Variants in UBAC2 observed in about 807,000 individuals in gnomAD.
UBAC2 encodes the protein ubiquitin-associated domain-containing protein 2.
Under a neutral mutation model 44.0 loss-of-function variants are expected in UBAC2, and 26 were observed. The ratio of observed to expected loss-of-function variants is 0.59; its 90% CI spans 0.43 to 0.82. UBAC2 has a LOEUF of 0.82. UBAC2 is among the 40% of genes least tolerant of loss of function. The pLI, the probability that UBAC2 is intolerant of heterozygous loss-of-function variation, is 0.00. For missense variants in UBAC2, 329 were observed against 419.4 expected (o/e 0.78, Z 1.88); for synonymous variants, 155 against 154.3 (o/e 1.00, Z -0.04).
intron 4 of UBAC2, chr13:99,294,588 A>G (rs1472973854): frequency 4.6e-5 from 7 of 153,144 alleles, no homozygotes; most frequent in Admixed American, 4.6e-4. Context: ...ACAAAGTTTT[A>G]TGACCCAGAA....
chr13:99,378,926 AG>A (rs1207328144), intron 8 of UBAC2, among the ~76,000 whole-genome samples: 1 of 152,216 alleles, frequency 6.6e-6, no homozygotes, highest in Non-Finnish European at 1.5e-5. Context: ...TTTGGGGAAA[AG>A]TACATGGCAT....
intron 6 of UBAC2, among the ~76,000 whole-genome samples, chr13:99,320,320 C>CT (rs1199485464): frequency 6.6e-6 from 1 of 151,980 alleles, no homozygotes; most frequent in Non-Finnish European, 1.5e-5. Context: ...CCTGTTTTAA[C>CT]TTTTTAAAAG....
At chr13:99,311,099 T>A (rs966246652) in intron 4 of UBAC2, among the ~76,000 whole-genome samples, 6 of 152,364 alleles carry the variant, frequency 3.9e-5, no homozygotes, top group African/African-American at 1.2e-4. Context: ...TCTGCAAATA[T>A]TTATTGAAAC....
intron 4 of UBAC2, among the ~76,000 whole-genome samples, chr13:99,306,355 C>G (rs1239224616): frequency 1.3e-5 from 2 of 152,094 alleles, no homozygotes; most frequent in African/African-American, 4.8e-5. Context: ...GTAATACTCC[C>G]CATTTTACAG....
intron 4 of UBAC2, among the ~76,000 whole-genome samples, chr13:99,299,449 TACACACACACACGC>T (rs1036549526): frequency 2.7e-5 from 4 of 149,888 alleles, no homozygotes; most frequent in African/African-American, 5.0e-5. Context: ...GGGAAGCAAA[TACACACACACACGC>T]ACACACACAC....
intron 4 of UBAC2, among the ~76,000 whole-genome samples, chr13:99,278,343 C>T (rs914381988): frequency 3.3e-5 from 5 of 152,108 alleles, no homozygotes; most frequent in Admixed American, 1.3e-4. Context: ...CTTTCTCGGG[C>T]GCGTGAAGGG....
At position 99,200,938 on chromosome 13, in the gene UBAC2, C is replaced by G; in HGVS notation, c.30C>G (p.Leu10=). 1 of 1,308,950 alleles carries G rather than the reference C, an allele frequency of 7.6e-7. No individual in the cohort carries two copies. Among genetic ancestry groups the G allele is most frequent in the Non-Finnish European group, 9.8e-7 (1 of 1,020,782 alleles). 81.1% of individuals were successfully genotyped at this position (1,308,950 alleles called of 1,614,324 possible). Residue 10 remains leucine (L), a splice_region_variant and synonymous_variant, in exon 1 of 9, where the codon CTC becomes CTG. Transcript: ENST00000403766. MFTSTGSSG[L]YKAPLSKSLL... is the part of the protein sequence containing the mutation. ...TCACCAGCACCGGCTCCAGTGGGCT[C>G]TGTGAGTACCGGCCTCCGCCATCCT... is the stretch of plus-strand genomic sequence containing the variant.
At chr13:99,245,982 A>C (rs2043378508) in intron 4 of UBAC2, among the ~76,000 whole-genome samples, 1 of 152,212 alleles carries the variant, frequency 6.6e-6, no homozygotes, top group South Asian at 2.1e-4. Flanking sequence ...GATAGTATGA[A>C]ATATAGATAC....
intron 4 of UBAC2, among the ~76,000 whole-genome samples, chr13:99,297,564 T>C (rs2044195305): frequency 1.3e-5 from 2 of 152,260 alleles, no homozygotes; most frequent in South Asian, 4.1e-4. Flanking sequence ...GGTCATGTTA[T>C]GTTAGAGGTA....
At chr13:99,235,698 G>A (rs2043225073) in intron 1 of UBAC2, among the ~76,000 whole-genome samples, 1 of 152,156 alleles carries the variant, frequency 6.6e-6, no homozygotes, top group Non-Finnish European at 1.5e-5. Flanking sequence ...GCTGGGGCCG[G>A]GTGCAGTGGC....
intron 4 of UBAC2, among the ~76,000 whole-genome samples, chr13:99,266,676 A>T (rs542492581): frequency 3.9e-5 from 6 of 152,250 alleles, no homozygotes; most frequent in Middle Eastern, 3.4e-3. Context: ...AACAAATTTG[A>T]CATGTTAAAT....
chr13:99,322,098 A>G (rs931083040), intron 6 of UBAC2, among the ~76,000 whole-genome samples: 5 of 152,348 alleles, frequency 3.3e-5, no homozygotes, highest in South Asian at 4.1e-4. Flanking sequence ...AAGCTTGGCT[A>G]TTACAGCCAA....
intron 7 of UBAC2, among the ~76,000 whole-genome samples, chr13:99,364,873 TC>T (rs1259420423): frequency 6.6e-6 from 1 of 152,190 alleles, no homozygotes; most frequent in Non-Finnish European, 1.5e-5. Flanking sequence ...TTTGGGTAGT[TC>T]CCGTCTTTGA....
At chr13:99,280,001 G>A (rs1287051008) in intron 4 of UBAC2, among the ~76,000 whole-genome samples, 5 of 152,312 alleles carry the variant, frequency 3.3e-5, no homozygotes, top group Non-Finnish European at 7.3e-5. Flanking sequence ...TGGATTGATA[G>A]AGCAAATAGA....
At chr13:99,332,745 G>T (rs1008927564) in intron 6 of UBAC2, among the ~76,000 whole-genome samples, 3 of 152,124 alleles carry the variant, frequency 2.0e-5, no homozygotes, top group African/African-American at 7.2e-5. Flanking sequence ...CTTGCCTGCC[G>T]GAGACTGCGC....
At chr13:99,234,186 TTTTTTTTTTTTTTTG>T in intron 1 of UBAC2, among the ~76,000 whole-genome samples, 1 of 129,038 alleles carries the variant, frequency 7.7e-6, no homozygotes. Flanking sequence ...TTTTTTTTTT[TTTTTTTTTTTTTTTG>T]AGATGGAGTC....
chr13:99,322,296 C>A (rs999709450), intron 6 of UBAC2, among the ~76,000 whole-genome samples: 2 of 152,102 alleles, frequency 1.3e-5, no homozygotes, highest in African/African-American at 4.8e-5. Context: ...CATTTAAATT[C>A]TTCTTGTGGT....
At chr13:99,368,205 C>T (rs887909176) in intron 8 of UBAC2, among the ~76,000 whole-genome samples, 2 of 151,930 alleles carry the variant, frequency 1.3e-5, no homozygotes, top group African/African-American at 4.8e-5. Context: ...TGTGAAGGAT[C>T]GGGGACAAGG....
intron 4 of UBAC2, among the ~76,000 whole-genome samples, chr13:99,292,167 G>A (rs567642350): frequency 3.1e-4 from 46 of 148,878 alleles, no homozygotes; most frequent in African/African-American, 9.2e-4. Context: ...ACAGTCTCTC[G>A]CACTGTCACC....
Sources: gnomAD v4.1 joint callset for allele counts (sites outside exome capture counted in the v4.1 genomes callset) on GRCh38, gnomAD v4.1.1 for gene constraint, MANE v1.5 for transcripts, NCBI Gene and HGNC (gene_info 2026-07-23, HGNC 2026-07-21) for gene names.